The following CRACR2A variants were observed in gnomAD, a reference collection of about 807,000 sequenced individuals.
CRACR2A encodes the protein EF-hand calcium-binding domain-containing protein 4B.
In CRACR2A, 79 loss-of-function variants were observed where a neutral mutation model predicts 90.5. The observed-to-expected ratio is 0.87, with a 90% CI of 0.73 to 1.05. The LOEUF is 1.05. Ranked by LOEUF, CRACR2A falls within the 50% of genes least tolerant of loss-of-function variation. The probability of loss-of-function intolerance (pLI) is 0.00; values close to 1 mark genes in which losing one functional copy is unlikely to be tolerated. For missense variants in CRACR2A, 823 were observed against 897.2 expected, an observed-to-expected ratio of 0.92 and a Z score of 1.06; for synonymous variants, 338 against 356.7, an observed-to-expected ratio of 0.95 and a Z score of 0.59.
At chr12:3,675,947 A>G (rs1203920257) in intron 6 of CRACR2A, among the ~76,000 whole-genome samples, 1 of 152,058 alleles carries the variant, frequency 6.6e-6, no homozygotes, top group East Asian at 1.9e-4. Context: ...CTCTGCACCC[A>G]GCAGAGAAGA....
chr12:3,683,942 C>T (rs1565488610), intron 4 of CRACR2A, among the ~76,000 whole-genome samples: 4 of 152,182 alleles, frequency 2.6e-5, no homozygotes. Flanking sequence ...GACTGGCAAC[C>T]TTCCAGAACC....
In CRACR2A at chr12:3,633,749, C is replaced by T. The variant is rs964458554; in HGVS notation, c.1603-13G>A. 2 of 1,551,454 alleles carry T rather than the reference C, an allele frequency of 1.3e-6. No individual in the cohort carries two copies. The highest frequency in any genetic ancestry group is 2.4e-5 in the East Asian group (1 of 40,928). Reference sequence around the variant, plus strand: ...GAGAGCTTTCCTCCTGTGGATGGCACACAATCTGACCAACTGCAGGGAATA... The same window carrying T: ...GAGAGCTTTCCTCCTGTGGATGGCATACAATCTGACCAACTGCAGGGAATA... On this transcript the variant is annotated splice_polypyrimidine_tract_variant and intron_variant, in intron 14 of 19. Transcript: ENST00000440314. This position sits in a 1 kb window ranked among gnomAD's most constrained non-coding sequence, Gnocchi z 4.5.
chr12:3,668,096 C>G (rs1444775467), intron 7 of CRACR2A, among the ~76,000 whole-genome samples: 1 of 152,176 alleles, frequency 6.6e-6, no homozygotes, highest in African/African-American at 2.4e-5. Context: ...CACAAACCGT[C>G]CTCACTTTTC....
intron 3 of CRACR2A, among the ~76,000 whole-genome samples, chr12:3,709,479 T>G (rs923393738): frequency 1.3e-5 from 2 of 152,234 alleles, no homozygotes; most frequent in Non-Finnish European, 2.9e-5. Context: ...GCCTGACTCT[T>G]TACAACCTCA....
chr12:3,622,498 A>G (rs567929867), intron 17 of CRACR2A, among the ~76,000 whole-genome samples: 1 of 152,320 alleles, frequency 6.6e-6, no homozygotes, highest in East Asian at 1.9e-4. Flanking sequence ...TTGTTGGAAG[A>G]CAGACTTGTT....
At chr12:3,722,409 G>A (rs541616100) in intron 2 of CRACR2A, among the ~76,000 whole-genome samples, 2 of 152,316 alleles carry the variant, frequency 1.3e-5, no homozygotes, top group South Asian at 4.1e-4. Flanking sequence ...CCCACCTAAG[G>A]TCATACAGTC....
chr12:3,686,425 G>A lies in CRACR2A; in HGVS notation c.229-6076C>T, dbSNP rs117860333. On this transcript the variant is annotated intron_variant, in intron 4 of 19. Coordinates refer to ENST00000440314, the MANE Select transcript of CRACR2A (RefSeq NM_001144958.2). ...GGTTAGTTTGCCAACTCCTAAATGA[G>A]TCTTAAGTTTGGCATAGCCAAGAAT... 1.9e-3 allele frequency among the ~76,000 whole-genome samples: 284 copies of A among 152,330 alleles called. 6 individuals are homozygous for A. The East Asian group carries it at 0.036, about 19-fold the overall frequency.
At chr12:3,659,828 G>A (rs1479316809) in intron 7 of CRACR2A, among the ~76,000 whole-genome samples, 174 bp from the exon 8 acceptor site, 1 of 152,122 alleles carries the variant, frequency 6.6e-6, no homozygotes, top group Non-Finnish European at 1.5e-5. Context: ...AACCCGACAA[G>A]GGATGCAGAC....
At chr12:3,741,351 T>C (rs1263160297) in intron 1 of CRACR2A, among the ~76,000 whole-genome samples, 3 of 152,178 alleles carry the variant, frequency 2.0e-5, no homozygotes, top group African/African-American at 7.2e-5. Flanking sequence ...GTTCACCTGT[T>C]TGATAAAAAA....
At chr12:3,647,448 G>C (rs1229769952) in intron 11 of CRACR2A, among the ~76,000 whole-genome samples, 1 of 151,976 alleles carries the variant, frequency 6.6e-6, no homozygotes, top group Non-Finnish European at 1.5e-5. Flanking sequence ...CATTCTCTTT[G>C]AATCTACCCT....
At chr12:3,647,561 C>T (rs1366188364) in intron 11 of CRACR2A, among the ~76,000 whole-genome samples, 1 of 152,168 alleles carries the variant, frequency 6.6e-6, no homozygotes, top group African/African-American at 2.4e-5. Context: ...TCAAGACCTT[C>T]GCGCAAATGG....
chr12:3,708,415 ATT>A (rs966022001), intron 3 of CRACR2A, among the ~76,000 whole-genome samples: 13 of 151,930 alleles, frequency 8.6e-5, no homozygotes, highest in African/African-American at 3.1e-4. Context: ...CCCTGGAAGC[ATT>A]TTCTTTTCTT....
Position 3,656,182 on chromosome 12 carries a change from C to T in CRACR2A, c.858+129G>A, listed in dbSNP as rs73245937. On this transcript the variant is annotated intron_variant, in intron 9 of 19. Transcript: ENST00000440314. ...GTGATTTTAAATGCTATCTTTTGCG[C>T]GACTAAATAGTTCTTCTCAGGTTAA... 3.2e-3 allele frequency: 2,517 copies of T among 798,034 alleles called. 42 individuals are homozygous for T. The African/African-American group carries it at 0.038, about 12-fold the overall frequency. The allele number at this position is 798,034 out of a possible 1,614,324, so 49.4% of individuals were successfully genotyped here. A position where few individuals can be genotyped will look rare whatever the true frequency, so the allele number is the denominator to read the frequency against.
rs1220488989 is a variant in CRACR2A at position 3,617,011 on chromosome 12, T to C, written c.2054A>G (p.Tyr685Cys). The change falls in exon 19 of 20, where the codon TAT becomes TGT. Residue 685 changes from tyrosine (Y) to cysteine (C), a missense_variant. Tyr to Cys is a radical substitution (Grantham distance 194, BLOSUM62 -2). Transcript: ENST00000440314. The stretch of plus-strand genomic sequence containing the variant: ...GTGACCAGAGTAGGCGCTGCATTCA[T>C]AGAAGATCAGATTGTTCTCCTAGAA... ...QLATENNLIF[Y>C]ECSAYSGHNT... The C allele has an allele frequency of 6.4e-6, 10 of 1,551,376 alleles. No homozygotes were observed. The highest frequency in any genetic ancestry group is 8.7e-6 in the Non-Finnish European group (10 of 1,146,834).
chr12:3,718,516 T>C (rs1304751071), intron 2 of CRACR2A, among the ~76,000 whole-genome samples: 1 of 152,204 alleles, frequency 6.6e-6, no homozygotes, highest in Non-Finnish European at 1.5e-5. Context: ...GGTGAGCACT[T>C]GAACTGTGGA....
At chr12:3,693,829 C>T (rs989363687) in intron 4 of CRACR2A, among the ~76,000 whole-genome samples, 1 of 152,138 alleles carries the variant, frequency 6.6e-6, no homozygotes, top group Non-Finnish European at 1.5e-5. Flanking sequence ...GGGTTCTTTG[C>T]ATCTGGCTGT....
intron 3 of CRACR2A, among the ~76,000 whole-genome samples, chr12:3,710,184 C>T (rs1007730481): frequency 3.3e-5 from 5 of 152,208 alleles, no homozygotes; most frequent in Admixed American, 6.5e-5. Context: ...TCTCCTACCA[C>T]GTTCACTTCC....
intron 4 of CRACR2A, among the ~76,000 whole-genome samples, chr12:3,689,361 TGTTCCTTCAATACCTA>T (rs1565490460): frequency 6.6e-6 from 1 of 152,188 alleles, no homozygotes; most frequent in African/African-American, 2.4e-5. Flanking sequence ...TTTTGAGGTA[TGTTCCTTCAATACCTA>T]GTTTGTTGAG....
Position 3,619,303 on chromosome 12 carries a change from C to T in CRACR2A, c.2002G>A (p.Val668Ile). ...AGCTGCTCTCCGAGGCCCCGGGGGA[C>T]TTCCCGCTCCTTCTCGTTGTCAAGC... ...NKLDNEKERE[V>I]PRGLGEQLAT... The change falls in exon 18 of 20, where the codon GTC becomes ATC. Residue 668 changes from valine (V) to isoleucine (I), a missense_variant. Transcript: ENST00000440314. The T allele has an allele frequency of 6.4e-7, 1 of 1,551,700 alleles. No individual in the cohort carries two copies. Among genetic ancestry groups the T allele is most frequent in the South Asian group, 1.2e-5 (1 of 84,066 alleles).
Sources: allele counts gnomAD v4.1 joint callset (sites outside exome capture counted in the v4.1 genomes callset), GRCh38; gene constraint gnomAD v4.1.1; non-coding constraint Gnocchi (gnomAD v3.1); transcripts MANE v1.5; gene names NCBI Gene and HGNC (gene_info 2026-07-23, HGNC 2026-07-21).